The following RHBDD1 variants were observed in gnomAD, a reference collection of about 807,000 sequenced individuals.
RHBDD1 encodes the protein rhomboid domain containing 1, also known as rhomboid-related protein 4.
A neutral mutation model predicts 36.3 loss-of-function variants in RHBDD1; 38 were observed. The observed-to-expected ratio is 1.05, with a 90% CI of 0.81 to 1.37. The LOEUF is 1.37. RHBDD1 is among the 40% of genes most tolerant of loss of function. The pLI is 0.00. For missense variants in RHBDD1, 393 were observed against 377.6 expected (o/e 1.04, Z -0.34); for synonymous variants, 151 against 136.5 (o/e 1.11, Z -0.74).
chr2:226,857,749 A>G (rs1334730830), intron 3 of RHBDD1, among the ~76,000 whole-genome samples: 1 of 152,186 alleles, frequency 6.6e-6, no homozygotes, highest in Non-Finnish European at 1.5e-5. Flanking sequence ...GACAGAAAGT[A>G]TTAATAGATT....
intron 8 of RHBDD1, among the ~76,000 whole-genome samples, chr2:226,928,629 G>C (rs1575133307): frequency 6.6e-6 from 1 of 151,448 alleles, no homozygotes; most frequent in Non-Finnish European, 1.5e-5. Flanking sequence ...CCTAAAGCTA[G>C]AAGAAGAAAA....
intron 5 of RHBDD1, among the ~76,000 whole-genome samples, chr2:226,892,141 G>A (rs1366125401): frequency 6.6e-6 from 1 of 152,160 alleles, no homozygotes; most frequent in Non-Finnish European, 1.5e-5. Flanking sequence ...GCTCAAATGG[G>A]CAGATTTTAG....
intron 8 of RHBDD1, among the ~76,000 whole-genome samples, chr2:226,994,242 A>C (rs1958905398): frequency 6.6e-6 from 1 of 152,206 alleles, no homozygotes; most frequent in South Asian, 2.1e-4. Context: ...CTGTGTGTTC[A>C]GAACTGTCCC....
intron 3 of RHBDD1, among the ~76,000 whole-genome samples, chr2:226,858,339 A>G (rs922036070): frequency 4.6e-5 from 7 of 152,218 alleles, no homozygotes; most frequent in Admixed American, 3.9e-4. Context: ...ACAATTTAAG[A>G]ATATTTCAGT....
chr2:226,920,537 T>C (rs1380719464), intron 8 of RHBDD1, among the ~76,000 whole-genome samples: 1 of 152,160 alleles, frequency 6.6e-6, no homozygotes, highest in Non-Finnish European at 1.5e-5. Flanking sequence ...CATATGTGAC[T>C]TTTATTGTGT....
intron 8 of RHBDD1, among the ~76,000 whole-genome samples, chr2:226,926,775 C>T (rs557828832): frequency 2.6e-5 from 4 of 152,232 alleles, no homozygotes; most frequent in South Asian, 2.1e-4. Flanking sequence ...TGAAGTGATA[C>T]TATGTCACCA....
chr2:226,995,726 T>G lies in RHBDD1; in HGVS notation c.*204T>G. The G allele has an allele frequency of 1.7e-6, 1 of 586,734 alleles. No individual in the cohort carries two copies. The highest frequency in any genetic ancestry group is 2.8e-5 in the East Asian group (1 of 35,180). 36.3% of individuals were successfully genotyped at this position (586,734 alleles called of 1,614,324 possible). A position where few individuals can be genotyped will look rare whatever the true frequency, so the allele number is the denominator to read the frequency against. On this transcript the variant is annotated 3_prime_UTR_variant, in exon 9 of 9. Transcript: ENST00000392062. ...CGGGGAGTGGGCCTTCTCCTGGCCT[T>G]GTTCTTGCTCATAAACAGGTCACTT...
At chr2:226,819,206 G>A in the RHBDD1 span, among the ~76,000 whole-genome samples, 2 of 152,166 alleles carry the variant, frequency 1.3e-5, no homozygotes, top group African/African-American at 4.8e-5. Flanking sequence ...GACTTATTCT[G>A]ATGCATTCCC....
chr2:226,909,061 G>A (rs1230965176), intron 7 of RHBDD1, among the ~76,000 whole-genome samples, 183 bp downstream of exon 7: 2 of 152,088 alleles, frequency 1.3e-5, no homozygotes, highest in Non-Finnish European at 2.9e-5. Context: ...ATATTTGTGG[G>A]GGTTGGTAGG....
intron 2 of RHBDD1, among the ~76,000 whole-genome samples, chr2:226,838,628 G>A (rs1223845014): frequency 6.6e-6 from 1 of 151,356 alleles, no homozygotes; most frequent in East Asian, 1.9e-4. Flanking sequence ...AGGGAAAAAA[G>A]GTATTTGTTG....
At position 226,997,333 on chromosome 2, in the gene RHBDD1, G is replaced by A. The variant is rs182115161; in HGVS notation, c.*1811G>A. The stretch of plus-strand genomic sequence containing the variant: ...TTGACTCCCGTTACCCCAATTAGAA[G>A]TAACTTCTTTGTTTCATGCCACTTT... On this transcript the variant is annotated 3_prime_UTR_variant, in exon 9 of 9. Transcript: ENST00000392062. 1 of 152,284 alleles carries A rather than the reference G, an allele frequency of 6.6e-6. No individual in the cohort carries two copies. The highest frequency in any genetic ancestry group is 6.5e-5 in the Admixed American group (1 of 15,300). 9.4% of individuals were successfully genotyped at this position (152,284 alleles called of 1,614,324 possible). A position where few individuals can be genotyped will look rare whatever the true frequency, so the allele number is the denominator to read the frequency against.
intron 8 of RHBDD1, among the ~76,000 whole-genome samples, chr2:226,929,409 A>T (rs1949869167): frequency 6.6e-6 from 1 of 152,136 alleles, no homozygotes; most frequent in Non-Finnish European, 1.5e-5. Context: ...CCATATGATC[A>T]TCTCAATTGA....
chr2:226,851,915 G>A (rs1218910461), intron 3 of RHBDD1, among the ~76,000 whole-genome samples: 1 of 152,172 alleles, frequency 6.6e-6, no homozygotes, highest in Non-Finnish European at 1.5e-5. Context: ...GTTTGTTGCG[G>A]TGGTGTTGGT....
chr2:226,925,577 C>G (rs1161727626), intron 8 of RHBDD1, among the ~76,000 whole-genome samples: 1 of 152,140 alleles, frequency 6.6e-6, no homozygotes, highest in African/African-American at 2.4e-5. Flanking sequence ...CGGCCTTTGA[C>G]AAATGTCTTC....
At chr2:226,894,471 A>G (rs1946937115) in intron 5 of RHBDD1, among the ~76,000 whole-genome samples, 1 of 152,196 alleles carries the variant, frequency 6.6e-6, no homozygotes, top group South Asian at 2.1e-4. Flanking sequence ...GGGTTTCACC[A>G]TGTTGGCCAG....
chr2:226,885,217 A>C (rs533500176), intron 5 of RHBDD1, among the ~76,000 whole-genome samples: 5 of 152,290 alleles, frequency 3.3e-5, no homozygotes, highest in Admixed American at 1.3e-4. Flanking sequence ...AATTTACATA[A>C]ACTTTTGATG....
chr2:226,895,701 T>G, intron 5 of RHBDD1: 1 of 985,372 alleles, frequency 1.0e-6, no homozygotes, highest in Non-Finnish European at 1.2e-6. Context: ...TAAAGAAGCT[T>G]AGTAATACTG....
chr2:226,833,275 T>C (rs1468102819), upstream of RHBDD1, among the ~76,000 whole-genome samples: 1 of 152,238 alleles, frequency 6.6e-6, no homozygotes, highest in East Asian at 1.9e-4. Flanking sequence ...ACTTGGTTCA[T>C]TAAAAGCAAT....
At chr2:226,811,739 T>C in the RHBDD1 span, among the ~76,000 whole-genome samples, 1 of 152,264 alleles carries the variant, frequency 6.6e-6, no homozygotes, top group Non-Finnish European at 1.5e-5. Context: ...ATTTCTCCAC[T>C]GAATTCTATC....
Sources: allele counts gnomAD v4.1 joint callset (sites outside exome capture counted in the v4.1 genomes callset), GRCh38; gene constraint gnomAD v4.1.1; transcripts MANE v1.5; gene names NCBI Gene and HGNC (gene_info 2026-07-23, HGNC 2026-07-21).